Variants in IFT25 observed in about 807,000 individuals in gnomAD.
The protein encoded by IFT25 is intraflagellar transport protein 25 homolog.
At chr1:53,920,060 AAGTGCTGGGATTATAGGTGTG>A in the IFT25 span, among the ~76,000 whole-genome samples, 1,360 of 152,248 alleles carry the variant, frequency 8.9e-3, 22 homozygotes, top group African/African-American at 0.03. Context: ...TGGCCTCCCA[AAGTGCTGGGATTATAGGTGTG>A]GGCCACCATG....
At chr1:53,930,577 G>C in the IFT25 span, among the ~76,000 whole-genome samples, 2,261 of 151,822 alleles carry the variant, frequency 0.015, 68 homozygotes, top group African/African-American at 0.051. Flanking sequence ...CTGAAAAACC[G>C]TTCTTCCCCT....
chr1:53,930,420 G>C, the IFT25 span, among the ~76,000 whole-genome samples: 1 of 152,136 alleles, frequency 6.6e-6, no homozygotes, highest in South Asian at 2.1e-4. Context: ...CCTTCGTATG[G>C]CATTTAAGAC....
At chr1:53,915,664 G>C in the IFT25 span, among the ~76,000 whole-genome samples, 1 of 152,220 alleles carries the variant, frequency 6.6e-6, no homozygotes, top group Non-Finnish European at 1.5e-5. Flanking sequence ...AGGGAGGCCA[G>C]AGAAAGGCTT....
At chr1:53,915,236 C>A in the IFT25 span, among the ~76,000 whole-genome samples, 19 of 152,270 alleles carry the variant, frequency 1.2e-4, no homozygotes, top group South Asian at 4.1e-4. Flanking sequence ...AGCAAAAAAA[C>A]CCCCTGCCTT....
the IFT25 span, among the ~76,000 whole-genome samples, chr1:53,938,828 A>G: frequency 6.6e-6 from 1 of 152,288 alleles, no homozygotes; most frequent in South Asian, 2.1e-4. Flanking sequence ...TAATCTCAGC[A>G]TTTTGAGAGG....
chr1:53,937,024 T>C, the IFT25 span, among the ~76,000 whole-genome samples: 1 of 152,122 alleles, frequency 6.6e-6, no homozygotes, highest in African/African-American at 2.4e-5. Context: ...TAAAACAATA[T>C]TCCATTATCC....
chr1:53,919,587 A>C, the IFT25 span, among the ~76,000 whole-genome samples: 4 of 152,252 alleles, frequency 2.6e-5, no homozygotes, highest in African/African-American at 9.6e-5. Flanking sequence ...AATTGTGAGC[A>C]AATGAAATTG....
At chr1:53,926,649 C>T in the IFT25 span, among the ~76,000 whole-genome samples, 1 of 152,024 alleles carries the variant, frequency 6.6e-6, no homozygotes, top group African/African-American at 2.4e-5. Context: ...CTCTCCCCTA[C>T]ACACATTTTT....
At chr1:53,940,464 T>C in the IFT25 span, among the ~76,000 whole-genome samples, 1 of 151,728 alleles carries the variant, frequency 6.6e-6, no homozygotes, top group Non-Finnish European at 1.5e-5. Context: ...TAAAGAAAAA[T>C]GGGACAAATA....
At chr1:53,926,895 A>C in the IFT25 span, among the ~76,000 whole-genome samples, 1 of 151,708 alleles carries the variant, frequency 6.6e-6, no homozygotes, top group Admixed American at 6.6e-5. Context: ...GCTAATTTTT[A>C]ATTTTTTTTT....
At chr1:53,919,713 CCCA>C in the IFT25 span, among the ~76,000 whole-genome samples, 1 of 152,136 alleles carries the variant, frequency 6.6e-6, no homozygotes, top group Non-Finnish European at 1.5e-5. Flanking sequence ...TGTAAAGTTC[CCCA>C]CCAATCTTTC....
the IFT25 span, among the ~76,000 whole-genome samples, chr1:53,942,252 G>T: frequency 9.9e-5 from 15 of 152,130 alleles, no homozygotes; most frequent in African/African-American, 3.6e-4. Context: ...ATCATACAAG[G>T]GTTGGTCTAA....
the IFT25 span, among the ~76,000 whole-genome samples, chr1:53,918,211 A>T: frequency 1.3e-5 from 2 of 152,262 alleles, no homozygotes; most frequent in Non-Finnish European, 2.9e-5. Flanking sequence ...AATGTAAATA[A>T]AAACTTAAAC....
chr1:53,933,824 A>AT, the IFT25 span, among the ~76,000 whole-genome samples: 2 of 151,820 alleles, frequency 1.3e-5, no homozygotes, highest in South Asian at 4.2e-4. Context: ...TGAGTGAATA[A>AT]TTTTTTTAAA....
At chr1:53,916,867 C>T in the IFT25 span, 8 of 394,876 alleles carry the variant, frequency 2.0e-5, no homozygotes, top group Middle Eastern at 6.4e-4. Context: ...CCGGGCCGGG[C>T]GCAGTGGCTC....
the IFT25 span, among the ~76,000 whole-genome samples, chr1:53,932,181 T>G: frequency 6.6e-6 from 1 of 152,126 alleles, no homozygotes; most frequent in Non-Finnish European, 1.5e-5. Context: ...TGAAACCCCG[T>G]CTCTACTAAA....
chr1:53,944,553 G>A, the IFT25 span, among the ~76,000 whole-genome samples: 1 of 152,208 alleles, frequency 6.6e-6, no homozygotes, highest in African/African-American at 2.4e-5. Flanking sequence ...GCTGAGGCAG[G>A]AGAAGCTCCT....
At chr1:53,927,683 C>T in the IFT25 span, among the ~76,000 whole-genome samples, 1 of 152,196 alleles carries the variant, frequency 6.6e-6, no homozygotes, top group African/African-American at 2.4e-5. Context: ...CTTCCCATGG[C>T]ACCTGTTGCC....
At chr1:53,923,915 C>T in the IFT25 span, 3 of 1,588,872 alleles carry the variant, frequency 1.9e-6, no homozygotes, top group Non-Finnish European at 2.6e-6. Context: ...ACAATTTCTT[C>T]ATTTTGAAGC....
Sources: gnomAD v4.1 joint callset for allele counts (sites outside exome capture counted in the v4.1 genomes callset) on GRCh38, gnomAD v4.1.1 for gene constraint, MANE v1.5 for transcripts, NCBI Gene and HGNC (gene_info 2026-07-23, HGNC 2026-07-21) for gene names.